NPEPPS: variants seen among roughly 807,000 people sequenced by gnomAD.
The protein encoded by NPEPPS is aminopeptidase puromycin sensitive.
NPEPPS carries 14 observed loss-of-function variants against 115.5 expected under a neutral mutation model. That is an observed-to-expected ratio of 0.12 (90% CI 0.08 to 0.19). The LOEUF is 0.19. NPEPPS is among the 10% of genes least tolerant of loss of function. The probability of loss-of-function intolerance (pLI) is 1.00; values close to 1 mark genes in which losing one functional copy is unlikely to be tolerated. For missense variants in NPEPPS, 523 were observed against 1,110.8 expected (o/e 0.47, Z 7.52); for synonymous variants, 285 against 390.6 (o/e 0.73, Z 3.19).
intron 1 of NPEPPS, among the ~76,000 whole-genome samples, chr17:47,536,159 T>C (rs1451385967): frequency 2.0e-5 from 3 of 151,986 alleles, no homozygotes; most frequent in Non-Finnish European, 2.9e-5. Context: ...GGAAATATTT[T>C]ACCTGTGCCA....
intron 1 of NPEPPS, among the ~76,000 whole-genome samples, chr17:47,536,543 G>A (rs1203237863): frequency 3.3e-5 from 5 of 149,884 alleles, no homozygotes; most frequent in Non-Finnish European, 7.4e-5. Context: ...ACAGGCATGC[G>A]TCACCACGCC....
At chr17:47,578,032 CT>C (rs1403577369) in intron 3 of NPEPPS, among the ~76,000 whole-genome samples, 4 of 151,978 alleles carry the variant, frequency 2.6e-5, no homozygotes, top group African/African-American at 7.3e-5. Flanking sequence ...TGGCAAACCC[CT>C]GTCTCTACTA....
rs976054298 is a variant in NPEPPS, at chr17:47,605,408, G to A, written c.1951G>A (p.Val651Ile). 6 of 1,610,750 alleles carry A rather than the reference G, an allele frequency of 3.7e-6. No homozygotes were observed. The Admixed American group carries it at 6.7e-5, about 18-fold the overall frequency. The change falls in exon 17 of 23, where the codon GTA becomes ATA. Residue 651 changes from valine (V) to isoleucine (I), a missense_variant. Physicochemically the swap from Val to Ile is conservative, Grantham distance 29 (BLOSUM62 3). Around this residue, in one of 4 missense-constraint regions of NPEPPS, gnomAD observed 372 missense variants for 542.6 expected, o/e 0.69. Transcript: ENST00000322157. ...EAFVNEPNYT[V>I]WSDLSCNLGI... The stretch of plus-strand genomic sequence containing the variant: ...TTTTGTGAATGAGCCCAATTATACT[G>A]TATGGAGCGACCTGAGCTGTAACCT...
intron 17 of NPEPPS, among the ~76,000 whole-genome samples, chr17:47,606,002 C>A (rs1352478664): frequency 6.6e-6 from 1 of 152,094 alleles, no homozygotes; most frequent in African/African-American, 2.4e-5. Flanking sequence ...CTTAGCCTCC[C>A]GAGTAGCTGG....
chr17:47,599,624 C>A lies in NPEPPS; in HGVS notation c.1537-52C>A, dbSNP rs1913070414. The A allele has an allele frequency of 6.7e-6, 10 of 1,487,236 alleles. No individual in the cohort carries two copies. In the Admixed American group the frequency reaches 2.1e-4, roughly 31 times the overall value. The allele number at this position is 1,487,236 out of a possible 1,614,324, so 92.1% of individuals were successfully genotyped here. ...CTCCCTCCTCTTCAAAAACAAAAAC[C>A]AAAACCCCAGATGGTGTCAGTACTA... On this transcript the variant is annotated intron_variant, in intron 13 of 22. Transcript: ENST00000322157.
At chr17:47,525,191 T>C (rs1907384897) in intron 1 of NPEPPS, among the ~76,000 whole-genome samples, 1 of 152,168 alleles carries the variant, frequency 6.6e-6, no homozygotes, top group South Asian at 2.1e-4. Flanking sequence ...TCCATTCCTC[T>C]AGCCCAAGTT....
At chr17:47,529,479 G>A (rs1215586877), upstream of NPEPPS, among the ~76,000 whole-genome samples, 2 of 145,126 alleles carry the variant, frequency 1.4e-5, no homozygotes, top group South Asian at 4.5e-4. Context: ...ATCTTGGCTC[G>A]CTGCAACCTC....
intron 1 of NPEPPS, among the ~76,000 whole-genome samples, chr17:47,540,131 C>T (rs1908647862): frequency 6.6e-6 from 1 of 152,168 alleles, no homozygotes; most frequent in East Asian, 1.9e-4. Flanking sequence ...TGTTACCAGG[C>T]GTCAAGCTGC....
intron 2 of NPEPPS, among the ~76,000 whole-genome samples, 182 bp downstream of exon 2, chr17:47,546,175 G>A (rs111641677): frequency 1.3e-5 from 2 of 151,726 alleles, no homozygotes; most frequent in African/African-American, 4.8e-5. Context: ...GCCTGTAATC[G>A]CAGCACTTTG....
In NPEPPS at chr17:47,619,077, G is replaced by T. The variant is rs1251556685; in HGVS notation, c.2472G>T (p.Arg824Ser). The T allele has an allele frequency of 6.2e-7, 1 of 1,613,892 alleles. No individual in the cohort carries two copies. The change falls in exon 21 of 23, where the codon AGG (arginine) becomes AGT (serine). Residue 824 changes from arginine (R) to serine (S), a missense_variant. Physicochemically the swap from Arg to Ser is moderately radical, Grantham distance 110 (BLOSUM62 -1). Transcript: ENST00000322157. ...GGVAGGSKHG[R>S]KAAWKFIKDN... ...TAGCTGGAGGCAGCAAGCATGGTAG[G>T]AAAGCTGCTTGGAAATTCATAAAGG...
At chr17:47,576,559 CTTTAT>C (rs1353245897) in intron 3 of NPEPPS, among the ~76,000 whole-genome samples, 1 of 152,096 alleles carries the variant, frequency 6.6e-6, no homozygotes, top group African/African-American at 2.4e-5. Context: ...AAATTATTCT[CTTTAT>C]TTTTATAGCA....
In NPEPPS at chr17:47,599,729, G is replaced by C; in HGVS notation, c.1590G>C (p.Gly530=). The C allele has an allele frequency of 1.3e-6, 2 of 1,560,700 alleles. No homozygotes were observed. Among genetic ancestry groups the C allele is most frequent in the Non-Finnish European group, 1.7e-6 (2 of 1,150,724 alleles). Reference sequence around the variant, plus strand: ...CCCAAAAGAAGTTCTGTGCTGGTGGGTCATATGTTGGTAAGTAAATGGCTG... The same window carrying C: ...CCCAAAAGAAGTTCTGTGCTGGTGGCTCATATGTTGGTAAGTAAATGGCTG... The part of the protein sequence containing the change: ...RLSQKKFCAG[G]SYVGEDCPQW... The change falls in exon 14 of 23, where the codon GGG becomes GGC. Residue 530 remains glycine (G), a synonymous_variant. Transcript: ENST00000322157.
chr17:47,590,069 G>A (rs139762964), intron 9 of NPEPPS, among the ~76,000 whole-genome samples: 198 of 151,758 alleles, frequency 1.3e-3, no homozygotes, highest in African/African-American at 4.5e-3. Context: ...ACTGGCTTAC[G>A]CGTGTAATCC....
intron 1 of NPEPPS, among the ~76,000 whole-genome samples, chr17:47,540,645 A>G (rs1908684895): frequency 6.6e-6 from 1 of 152,230 alleles, no homozygotes; most frequent in Non-Finnish European, 1.5e-5. Context: ...TTTAAACTTC[A>G]TATCATTCTG....
intron 2 of NPEPPS, 117 bp from the exon 3 acceptor site, chr17:47,569,300 T>C: frequency 1.5e-6 from 1 of 648,992 alleles, no homozygotes; most frequent in Non-Finnish European, 2.7e-6. Context: ...GGAACTTAAT[T>C]CACCAAATTA....
chr17:47,621,593 A>G (rs1914578153), intron 22 of NPEPPS, among the ~76,000 whole-genome samples, 175 bp from the exon 23 acceptor site: 1 of 152,176 alleles, frequency 6.6e-6, no homozygotes, highest in Non-Finnish European at 1.5e-5. Flanking sequence ...GAGAATTCCT[A>G]TATGCAGGTC....
chr17:47,620,310 T>A (rs1161681941), intron 22 of NPEPPS: 1 of 152,412 alleles, frequency 6.6e-6, no homozygotes, highest in Non-Finnish European at 1.5e-5. Flanking sequence ...TTATAAAAAT[T>A]TCAGTCTGGC....
intron 14 of NPEPPS, among the ~76,000 whole-genome samples, chr17:47,600,222 C>T (rs1913108927): frequency 6.6e-6 from 1 of 152,052 alleles, no homozygotes; most frequent in Non-Finnish European, 1.5e-5. Flanking sequence ...TTGCTTGAGC[C>T]CAGGGGTTCG....
intron 2 of NPEPPS, chr17:47,559,600 A>C: frequency 2.2e-6 from 1 of 454,690 alleles, no homozygotes; most frequent in Non-Finnish European, 4.4e-6. Flanking sequence ...CTTAAGGTTC[A>C]TCTTTTTCCA....
Sources: allele counts gnomAD v4.1 joint callset (sites outside exome capture counted in the v4.1 genomes callset), GRCh38; gene constraint gnomAD v4.1.1; regional missense constraint gnomAD v4.1.1; transcripts MANE v1.5; gene names NCBI Gene and HGNC (gene_info 2026-07-23, HGNC 2026-07-21).